The following SLC35B2 variants were observed in gnomAD, a reference collection of about 807,000 sequenced individuals.
The protein encoded by SLC35B2 is solute carrier family 35 member B2.
Under a neutral mutation model 37.9 loss-of-function variants are expected in SLC35B2, and 19 were observed. That is an observed-to-expected ratio of 0.50 (90% confidence interval 0.35 to 0.74). The LOEUF is 0.74. Ranked by LOEUF, SLC35B2 falls within the 30% of genes least tolerant of loss-of-function variation. SLC35B2 has a pLI of 0.01. For missense variants in SLC35B2, 633 were observed against 547.6 expected, an observed-to-expected ratio of 1.16 and a Z score of -1.56; for synonymous variants, 277 against 225.2, an observed-to-expected ratio of 1.23 and a Z score of -2.06.
rs752243578 is a variant in SLC35B2 at position 44,256,851 on chromosome 6, C to G, written c.39G>C (p.Ala13=). ...CCCCACCTGCCCCTAGGGAGGGGAA[C>G]GCAGCCAGCACCACCACTGCCCACC... ...ARWWAVVVLA[A]FPSLGAGGET... Residue 13 remains alanine (A), a synonymous_variant, in exon 2 of 4, where the codon GCG becomes GCC. Coordinates refer to ENST00000393812, the MANE Select transcript of SLC35B2 (RefSeq NM_178148.4). 1.2e-6 allele frequency: 2 copies of G among 1,610,690 alleles called. No individual in the cohort carries two copies. Among genetic ancestry groups the G allele is most frequent in the South Asian group, 2.2e-5 (2 of 91,004 alleles).
chr6:44,257,353 G>C, intron 1 of SLC35B2, 47 bp downstream of exon 1: 1 of 1,323,854 alleles, frequency 7.6e-7, no homozygotes, highest in African/African-American at 1.5e-5. Context: ...GCAGTCACGT[G>C]GCCCGGGGGC....
At position 44,255,092 on chromosome 6, in the gene SLC35B2, C is replaced by T. The variant is rs1781253221; in HGVS notation, c.913G>A (p.Gly305Arg). 6.2e-7 allele frequency: 1 copy of T among 1,614,096 alleles called. No homozygotes were observed. Among genetic ancestry groups the T allele is most frequent in the South Asian group, 1.1e-5 (1 of 91,084 alleles). Reference protein sequence around the residue: ...YKMSSVQMMFGVNFFSCLFTV... With the variant: ...YKMSSVQMMFRVNFFSCLFTV... ...AAGAGGCAGGAGAAGAAATTGACCC[C>T]AAACATCATCTGCACCGATGACATC... Residue 305 changes from glycine to arginine, a missense_variant, in exon 4 of 4, where the codon GGG becomes AGG. Gly to Arg is a moderately radical substitution (Grantham distance 125). Coordinates refer to ENST00000393812, the MANE Select transcript of SLC35B2 (RefSeq NM_178148.4).
chr6:44,256,897 T>G lies in SLC35B2; in HGVS notation c.12-19A>C. Reference sequence around the variant, plus strand: ...CCACCATCTGTAAGGAAAGCGGACATAAGGATTAGGGCGCAGCTCCTCATC... The same window carrying G: ...CCACCATCTGTAAGGAAAGCGGACAGAAGGATTAGGGCGCAGCTCCTCATC... On this transcript the variant is annotated intron_variant, in intron 1 of 3. Coordinates refer to ENST00000393812, the MANE Select transcript of SLC35B2 (RefSeq NM_178148.4). The G allele has an allele frequency of 6.3e-7, 1 of 1,595,648 alleles. No individual in the cohort carries two copies. Among genetic ancestry groups the G allele is most frequent in the Non-Finnish European group, 8.5e-7 (1 of 1,170,340 alleles).
Position 44,254,958 on chromosome 6 carries a change from T to C in SLC35B2, c.1047A>G (p.Ala349=), listed in dbSNP as rs775784720. The C allele has an allele frequency of 2.5e-6, 4 of 1,614,022 alleles. No homozygotes were observed. Among genetic ancestry groups the C allele is most frequent in the Admixed American group, 1.7e-5 (1 of 60,008 alleles). ...AHALLLSICS[A]CGQLFIFYTI... Reference sequence around the variant, plus strand: ...TGTAAAAGATGAAGAGCTGGCCACATGCGGAGCAGATGGAGAGTAGCAGGG... The same window carrying C: ...TGTAAAAGATGAAGAGCTGGCCACACGCGGAGCAGATGGAGAGTAGCAGGG... Residue 349 remains alanine, a synonymous_variant, in exon 4 of 4, where the codon GCA becomes GCG. Coordinates refer to ENST00000393812, the MANE Select transcript of SLC35B2 (RefSeq NM_178148.4).
rs779657938 is a variant in SLC35B2 at position 44,256,512 on chromosome 6, A to G, written c.206-16T>C. 3.7e-6 allele frequency: 6 copies of G among 1,613,992 alleles called. No individual in the cohort carries two copies. The highest frequency in any genetic ancestry group is 5.1e-6 in the Non-Finnish European group (6 of 1,180,018). ...AGGCCCCTACCTGAAGAAAGCACAC[A>G]AAGTCAAGCCCCAAATCTTCTCCAT... On this transcript the variant is annotated splice_polypyrimidine_tract_variant and intron_variant, in intron 2 of 3. Coordinates refer to ENST00000393812, the MANE Select transcript of SLC35B2 (RefSeq NM_178148.4).
Position 44,255,039 on chromosome 6 carries a change from C to A in SLC35B2, c.966G>T (p.Gly322=). ...TGAAGCGGGTTCCCTCCAGTAGGGC[C>A]CCCTGTTCTAGCAGTGAGCCCACTG... The part of the protein sequence containing the change: ...LFTVGSLLEQ[G]ALLEGTRFMG... Residue 322 remains glycine, a synonymous_variant, in exon 4 of 4, where the codon GGG becomes GGT. Coordinates refer to ENST00000393812, the MANE Select transcript of SLC35B2 (RefSeq NM_178148.4). 6.2e-7 allele frequency: 1 copy of A among 1,614,182 alleles called. No individual in the cohort carries two copies. The highest frequency in any genetic ancestry group is 1.1e-5 in the South Asian group (1 of 91,084).
At position 44,254,707 on chromosome 6, in the gene SLC35B2, C is replaced by CAA. The variant is rs764817649; in HGVS notation, c.1296_1297dup (p.Ter433PhefsTer13). The CAA allele has an allele frequency of 6.2e-7, 1 of 1,606,240 alleles. No homozygotes were observed. Among genetic ancestry groups the CAA allele is most frequent in the Non-Finnish European group, 8.5e-7 (1 of 1,174,236 alleles). On this transcript the variant is annotated frameshift_variant and stop_lost, in exon 4 of 4. Coordinates refer to ENST00000393812, the MANE Select transcript of SLC35B2 (RefSeq NM_178148.4). LOFTEE classifies it high-confidence loss of function. ...TCACCCCTCAGGCCCTTTCCACCCT[C>CAA]AAACCTTCTGCACAGGAGACTCAAC...
At chr6:44,256,598 C>T (rs1221625770) in intron 2 of SLC35B2, 87 bp downstream of exon 2, 13 of 1,611,254 alleles carry the variant, frequency 8.1e-6, no homozygotes, top group Admixed American at 1.7e-5. Flanking sequence ...CGACCTCCCG[C>T]CCTCTCCAAG....
rs759321564 is a variant in SLC35B2, at chr6:44,257,419, C to T, written c.-9G>A. On this transcript the variant is annotated 5_prime_UTR_variant, in exon 1 of 4. Transcript: ENST00000393812. ...CCCCACCTGGCGTCCATGGTCCAGG[C>T]CGCGTGGGGTGGAGGGGGAACCGGG... is the stretch of plus-strand genomic sequence containing the variant. The T allele has an allele frequency of 7.9e-7, 1 of 1,263,906 alleles. No homozygotes were observed. The highest frequency in any genetic ancestry group is 1.0e-6 in the Non-Finnish European group (1 of 997,224). 78.3% of individuals were successfully genotyped at this position (1,263,906 alleles called of 1,614,324 possible).
upstream of SLC35B2, chr6:44,257,534 G>A (rs2153329803): frequency 1.0e-6 from 1 of 963,242 alleles, no homozygotes. Flanking sequence ...GAAGTGCCGC[G>A]CTCTTCCCGC....
Position 44,257,039 on chromosome 6 carries a change from G to C in SLC35B2, c.12-161C>G, listed in dbSNP as rs543822031. 1.2e-3 allele frequency: 995 copies of C among 839,504 alleles called. 10 individuals are homozygous for C. The African/African-American group carries it at 0.016, about 13-fold the overall frequency. 52.0% of individuals were successfully genotyped at this position (839,504 alleles called of 1,614,324 possible). A position where few individuals can be genotyped will look rare whatever the true frequency, so the allele number is the denominator to read the frequency against. ...TCTCTCTCTCTCTCTCTCTCGGGGAGGGGGTGCGCCGGCGCTGGCCAGGCA... is the reference window on the plus strand; with the variant it reads ...TCTCTCTCTCTCTCTCTCTCGGGGACGGGGTGCGCCGGCGCTGGCCAGGCA... On this transcript the variant is annotated intron_variant, in intron 1 of 3. Transcript: ENST00000393812.
intron 1 of SLC35B2, 24 bp downstream of exon 1, chr6:44,257,376 G>C (rs1278018911): frequency 1.5e-6 from 2 of 1,320,592 alleles, no homozygotes; most frequent in Admixed American, 7.6e-5. Context: ...GGTCACGTGA[G>C]CTCGCTGCTG....
chr6:44,256,836 C>A lies in SLC35B2; in HGVS notation c.54G>T (p.Gly18=), dbSNP rs766154166. ...VVVLAAFPSL[G]AGGETPEAPP... is the part of the protein sequence containing the mutation. ...GGGCTTCGGGAGTCTCCCCACCTGCCCCTAGGGAGGGGAACGCAGCCAGCA... is the reference window on the plus strand; with the variant it reads ...GGGCTTCGGGAGTCTCCCCACCTGCACCTAGGGAGGGGAACGCAGCCAGCA... Residue 18 remains glycine (G), a synonymous_variant, in exon 2 of 4, where the codon GGG becomes GGT. Transcript: ENST00000393812. 6.2e-7 allele frequency: 1 copy of A among 1,612,098 alleles called. No homozygotes were observed. Among genetic ancestry groups the A allele is most frequent in the Non-Finnish European group, 8.5e-7 (1 of 1,179,116 alleles).
rs1781559791 is a variant in SLC35B2, at chr6:44,256,801, G to A, written c.89C>T (p.Ser30Leu). 1 of 1,614,168 alleles carries A rather than the reference G, an allele frequency of 6.2e-7. No individual in the cohort carries two copies. The highest frequency in any genetic ancestry group is 1.3e-5 in the African/African-American group (1 of 75,058). Residue 30 changes from serine (S) to leucine (L), a missense_variant, in exon 2 of 4, where the codon TCA becomes TTA. Ser to Leu is a moderately radical substitution (Grantham distance 145, BLOSUM62 -2). Coordinates refer to ENST00000393812, the MANE Select transcript of SLC35B2 (RefSeq NM_178148.4). The stretch of plus-strand genomic sequence containing the variant: ...TCGGAAGAACCATAGCTGGGTCCAT[G>A]ACTCCGGAGGGGCTTCGGGAGTCTC... ...GGETPEAPPE[S>L]WTQLWFFRFV... is the part of the protein sequence containing the mutation.
Position 44,255,074 on chromosome 6 carries a change from AG to A in SLC35B2, c.930del (p.Cys311AlafsTer9). 1 of 1,614,218 alleles carries A rather than the reference AG, an allele frequency of 6.2e-7. No individual in the cohort carries two copies. The highest frequency in any genetic ancestry group is 8.5e-7 in the Non-Finnish European group (1 of 1,180,036). ...VQMMFGVNFF[S>X]CLFTVGSLLE... Reference sequence around the variant, plus strand: ...AGCAGTGAGCCCACTGTGAAGAGGCAGGAGAAGAAATTGACCCCAAACATCA... The same window carrying A: ...AGCAGTGAGCCCACTGTGAAGAGGCAGAGAAGAAATTGACCCCAAACATCA... On this transcript the variant is annotated frameshift_variant, in exon 4 of 4. Transcript: ENST00000393812. LOFTEE classifies it high-confidence loss of function.
At chr6:44,255,769 C>T (rs922192344) in intron 3 of SLC35B2, 125 bp from the exon 4 acceptor site, 15 of 952,890 alleles carry the variant, frequency 1.6e-5, no homozygotes, top group Middle Eastern at 2.4e-4. Flanking sequence ...CTTTTTGGTT[C>T]CTCTGTAGAA....
Position 44,254,797 on chromosome 6 carries a change from G to C in SLC35B2, c.1208C>G (p.Ala403Gly), listed in dbSNP as rs201389938. The C allele has an allele frequency of 6.2e-7, 1 of 1,614,178 alleles. No homozygotes were observed. The highest frequency in any genetic ancestry group is 1.7e-5 in the Admixed American group (1 of 60,016). The change falls in exon 4 of 4, where the codon GCT (alanine) becomes GGT (glycine). Residue 403 changes from alanine (A) to glycine (G), a missense_variant. Physicochemically the swap from Ala to Gly is moderately conservative, Grantham distance 60. Coordinates refer to ENST00000393812, the MANE Select transcript of SLC35B2 (RefSeq NM_178148.4). ...VGGLGVAVVF[A>G]ALLLRVYARG... ...CGCGTAGACTCTGAGCAGGAGGGCAGCAAAGACCACAGCCACCCCCAGCCC... is the reference window on the plus strand; with the variant it reads ...CGCGTAGACTCTGAGCAGGAGGGCACCAAAGACCACAGCCACCCCCAGCCC...
Position 44,254,447 on chromosome 6 carries a change from G to C in SLC35B2, c.*259C>G. ...AACTGGAACCTACCTATGCTCTCTT[G>C]ACCCCAAACTCCCCAAAACCCCTCA... On this transcript the variant is annotated 3_prime_UTR_variant, in exon 4 of 4. Transcript: ENST00000393812. 2.1e-6 allele frequency: 1 copy of C among 485,366 alleles called. No homozygotes were observed. The highest frequency in any genetic ancestry group is 3.1e-5 in the South Asian group (1 of 32,098). 30.1% of individuals were successfully genotyped at this position (485,366 alleles called of 1,614,324 possible). A position where few individuals can be genotyped will look rare whatever the true frequency, so the allele number is the denominator to read the frequency against.
rs1348113875 is a variant in SLC35B2, at chr6:44,254,609, T to A, written c.*97A>T. The A allele has an allele frequency of 1.5e-6, 2 of 1,350,444 alleles. No individual in the cohort carries two copies. The highest frequency in any genetic ancestry group is 2.3e-5 in the East Asian group (1 of 43,340). 83.7% of individuals were successfully genotyped at this position (1,350,444 alleles called of 1,614,324 possible). On this transcript the variant is annotated 3_prime_UTR_variant, in exon 4 of 4. Transcript: ENST00000393812. Reference sequence around the variant, plus strand: ...TGGTCTGTGATACTGAGAAAACACCTGCATTTTGCCCTTTCAGCCAGCTCC... The same window carrying A: ...TGGTCTGTGATACTGAGAAAACACCAGCATTTTGCCCTTTCAGCCAGCTCC...
Sources: gnomAD v4.1 joint callset for allele counts on GRCh38, gnomAD v4.1.1 for gene constraint, MANE v1.5 for transcripts, NCBI Gene and HGNC (gene_info 2026-07-23, HGNC 2026-07-21) for gene names.